The following MRPS5 variants were observed in gnomAD, a reference collection of about 807,000 sequenced individuals.
MRPS5 encodes the protein mitochondrial ribosomal protein S5.
Under a neutral mutation model 51.9 loss-of-function variants are expected in MRPS5, and 27 were observed. The observed-to-expected ratio is 0.52, with a 90% CI of 0.38 to 0.72. MRPS5 has a LOEUF of 0.72. MRPS5 is among the 30% of genes least tolerant of loss of function. MRPS5 has a pLI of 0.00. For synonymous variants in MRPS5, 196 were observed against 193.2 expected (o/e 1.01, Z -0.12); for missense variants, 570 against 545.7 (o/e 1.04, Z -0.44).
intron 5 of MRPS5, 83 bp downstream of exon 5, chr2:95,108,092 A>G: frequency 8.4e-7 from 1 of 1,196,946 alleles, no homozygotes; most frequent in Non-Finnish European, 1.2e-6. Flanking sequence ...GTATAAACAG[A>G]CAAGTAATAA....
At chr2:95,121,637 C>A in intron 1 of MRPS5, 97 bp downstream of exon 1, 1 of 1,358,146 alleles carries the variant, frequency 7.4e-7, no homozygotes, top group South Asian at 1.3e-5. Flanking sequence ...GGGGCCGCGG[C>A]TTCTCGCTTC....
At chr2:95,111,526 T>C (rs772450917) in intron 3 of MRPS5, among the ~76,000 whole-genome samples, 2 of 152,162 alleles carry the variant, frequency 1.3e-5, no homozygotes, top group African/African-American at 2.4e-5. Flanking sequence ...CTTTTATATA[T>C]ATATAGTAAG....
upstream of MRPS5, chr2:95,121,816 C>T (rs745391934): frequency 2.6e-6 from 4 of 1,527,568 alleles, no homozygotes; most frequent in Non-Finnish European, 2.6e-6. Context: ...CGCGCCTCGG[C>T]CTCCGCCCAG....
At chr2:95,104,359 C>T in intron 7 of MRPS5, 2 of 405,652 alleles carry the variant, frequency 4.9e-6, no homozygotes, top group South Asian at 2.5e-5. Context: ...AGTTTTTCTC[C>T]CTAATTTTCC....
chr2:95,121,615 C>T (rs1202437377), intron 1 of MRPS5, 119 bp downstream of exon 1: 4 of 1,126,602 alleles, frequency 3.6e-6, no homozygotes, highest in Non-Finnish European at 3.7e-6. Context: ...GGGGGCACGG[C>T]GTGAAGAGCC....
intron 2 of MRPS5, among the ~76,000 whole-genome samples, chr2:95,116,039 G>A (rs984846905): frequency 5.9e-5 from 9 of 151,564 alleles, no homozygotes; most frequent in African/African-American, 2.2e-4. Context: ...CCAAGTAGCT[G>A]GGATTACAGG....
At chr2:95,102,693 A>G (rs1222943568) in intron 7 of MRPS5, among the ~76,000 whole-genome samples, 1 of 152,202 alleles carries the variant, frequency 6.6e-6, no homozygotes, top group African/African-American at 2.4e-5. Context: ...AAGGTTGGGA[A>G]AAAACATCCA....
chr2:95,101,001 G>A (rs185788384), intron 8 of MRPS5, 107 bp from the exon 9 acceptor site: 70 of 959,612 alleles, frequency 7.3e-5, no homozygotes, highest in Admixed American at 4.0e-4. Flanking sequence ...ATTCACTTAC[G>A]CAAAAAGGTT....
chr2:95,115,188 AGT>A lies in MRPS5; in HGVS notation c.153_154del (p.Leu52GlyfsTer33). On this transcript the variant is annotated frameshift_variant, in exon 3 of 12. Transcript: ENST00000272418. LOFTEE classifies it high-confidence loss of function. ...GTAGGGATGGGTGTCTCTGGTTCCCAGTGATGACAAATGGCCTGTAGGCAGAT... is the reference window on the plus strand; with the variant it reads ...GTAGGGATGGGTGTCTCTGGTTCCCAGATGACAAATGGCCTGTAGGCAGAT... 6.2e-7 allele frequency: 1 copy of A among 1,602,156 alleles called. No individual in the cohort carries two copies. The highest frequency in any genetic ancestry group is 8.5e-7 in the Non-Finnish European group (1 of 1,176,878).
intron 5 of MRPS5, 88 bp from the exon 6 acceptor site, chr2:95,106,545 C>T (rs2104415195): frequency 1.8e-6 from 2 of 1,084,636 alleles, no homozygotes; most frequent in South Asian, 1.3e-5. Flanking sequence ...CCATCACAGA[C>T]CTTTCGGGGA....
intron 2 of MRPS5, 149 bp downstream of exon 2, chr2:95,117,716 T>C (rs1676323910): frequency 1.6e-6 from 1 of 643,450 alleles, no homozygotes. Context: ...AAGAATGTGA[T>C]TATTGCAGTA....
At chr2:95,109,736 T>C (rs1380950052) in intron 4 of MRPS5, among the ~76,000 whole-genome samples, 180 bp downstream of exon 4, 1 of 152,228 alleles carries the variant, frequency 6.6e-6, no homozygotes, top group Non-Finnish European at 1.5e-5. Context: ...TCCATTTCTA[T>C]GGGATTTTCC....
chr2:95,107,920 A>G (rs1675997866), intron 5 of MRPS5, among the ~76,000 whole-genome samples: 1 of 152,160 alleles, frequency 6.6e-6, no homozygotes, highest in African/African-American at 2.4e-5. Flanking sequence ...TCCACAGTGC[A>G]CATCCCCACG....
At chr2:95,121,965 C>T, upstream of MRPS5, 1 of 699,876 alleles carries the variant, frequency 1.4e-6, no homozygotes. Flanking sequence ...ACACTGCAGG[C>T]GGAGCCCGGC....
At chr2:95,106,665 C>T in intron 5 of MRPS5, 3 of 588,222 alleles carry the variant, frequency 5.1e-6, no homozygotes, top group Admixed American at 2.7e-5. Context: ...ACTGATCTCC[C>T]CACCTGCACC....
At chr2:95,089,453 T>A (rs1675393470) in intron 11 of MRPS5, among the ~76,000 whole-genome samples, 1 of 152,138 alleles carries the variant, frequency 6.6e-6, no homozygotes, top group African/African-American at 2.4e-5. Flanking sequence ...GGTCTACCCA[T>A]CCTTTCAAGA....
intron 8 of MRPS5, among the ~76,000 whole-genome samples, chr2:95,101,141 T>TG (rs1355875858): frequency 3.3e-5 from 5 of 152,188 alleles, no homozygotes; most frequent in Non-Finnish European, 1.5e-5. Context: ...CCCAGCACTT[T>TG]GGGAGGCCGA....
At chr2:95,109,541 G>A (rs1676053685) in intron 4 of MRPS5, among the ~76,000 whole-genome samples, 1 of 152,226 alleles carries the variant, frequency 6.6e-6, no homozygotes, top group African/African-American at 2.4e-5. Flanking sequence ...CAGTAGAGTT[G>A]AGCAGTTGCA....
At chr2:95,109,213 A>G (rs1302453026) in intron 4 of MRPS5, among the ~76,000 whole-genome samples, 1 of 152,208 alleles carries the variant, frequency 6.6e-6, no homozygotes, top group Non-Finnish European at 1.5e-5. Flanking sequence ...AAAATAAGAT[A>G]TAAGTAATAA....
Sources: allele counts gnomAD v4.1 joint callset (sites outside exome capture counted in the v4.1 genomes callset), GRCh38; gene constraint gnomAD v4.1.1; transcripts MANE v1.5; gene names NCBI Gene and HGNC (gene_info 2026-07-23, HGNC 2026-07-21).